SLC25A28: variants seen among roughly 807,000 people sequenced by gnomAD.
SLC25A28 encodes the protein mitoferrin-2.
SLC25A28 carries 10 observed loss-of-function variants against 31.9 expected under a neutral mutation model. The observed-to-expected ratio is 0.31, with a 90% confidence interval of 0.19 to 0.53. SLC25A28 has a LOEUF of 0.53. Among genes scored for constraint, SLC25A28 ranks in the 20% least tolerant of loss-of-function variants. SLC25A28 has a pLI of 0.95. For synonymous variants in SLC25A28, 208 were observed against 203.6 expected (o/e 1.02, Z -0.19); for missense variants, 256 against 490.3 (o/e 0.52, Z 4.51).
At chr10:99,655,263 C>G in the SLC25A28 span, among the ~76,000 whole-genome samples, 1 of 152,004 alleles carries the variant, frequency 6.6e-6, no homozygotes, top group East Asian at 1.9e-4. Context: ...TGGCAGTGAG[C>G]CAAGATAACA....
chr10:99,622,895 TG>T (rs536298979), upstream of SLC25A28, among the ~76,000 whole-genome samples: 94 of 152,106 alleles, frequency 6.2e-4, no homozygotes, highest in Non-Finnish European at 9.9e-4. Context: ...TACTTGAAGC[TG>T]GGGATACAGG....
intron 1 of SLC25A28, chr10:99,616,698 G>T (rs1459240219): frequency 1.0e-6 from 1 of 985,236 alleles, no homozygotes; most frequent in African/African-American, 1.7e-5. Context: ...GCCTTGCCTG[G>T]TTCTTGTAAT....
upstream of SLC25A28, among the ~76,000 whole-genome samples, chr10:99,624,265 C>G (rs1274568361): frequency 2.1e-5 from 2 of 96,470 alleles, no homozygotes; most frequent in Non-Finnish European, 4.6e-5. Context: ...TTCTCTCTCT[C>G]TCTTTCTTTT....
Position 99,613,719 on chromosome 10 carries a change from C to T in SLC25A28, c.497G>A (p.Gly166Glu), listed in dbSNP as rs1353286802. ...ACCATTGGCAATATGGCTATTGCCC[C>T]CAGGGTGGATTACATCACTCAATGT... is the stretch of plus-strand genomic sequence containing the variant. ...KKTLSDVIHP[G>E]GNSHIANGAA... The change falls in exon 2 of 4, where the codon GGG (glycine) becomes GAG (glutamate). Residue 166 changes from glycine to glutamate, a missense_variant. This residue lies in a region of SLC25A28 where 158 missense variants were observed against 379.1 expected (regional missense o/e 0.42). Coordinates refer to ENST00000370495, the MANE Select transcript of SLC25A28 (RefSeq NM_031212.4). This position sits in a 1 kb window ranked among gnomAD's most constrained non-coding sequence, Gnocchi z 4.9. 1 of 1,614,186 alleles carries T rather than the reference C, an allele frequency of 6.2e-7. No individual in the cohort carries two copies. The highest frequency in any genetic ancestry group is 1.3e-5 in the African/African-American group (1 of 75,046).
chr10:99,637,027 T>G, the SLC25A28 span, among the ~76,000 whole-genome samples: 1 of 152,300 alleles, frequency 6.6e-6, no homozygotes, highest in South Asian at 2.1e-4. Flanking sequence ...TGAACATAGA[T>G]GCTAAAATCA....
At chr10:99,620,950 G>T, upstream of SLC25A28, 5 of 957,540 alleles carry the variant, frequency 5.2e-6, no homozygotes, top group Non-Finnish European at 6.1e-6. Flanking sequence ...TACGACCCGC[G>T]CTCCCGTGCG....
At chr10:99,637,937 G>A in the SLC25A28 span, among the ~76,000 whole-genome samples, 1 of 152,120 alleles carries the variant, frequency 6.6e-6, no homozygotes. Context: ...CGCAGAATTA[G>A]AAAAAGCAAT....
Position 99,610,788 on chromosome 10 carries a change from C to A in SLC25A28, c.*61G>T. The A allele has an allele frequency of 6.4e-7, 1 of 1,559,442 alleles. No individual in the cohort carries two copies. The highest frequency in any genetic ancestry group is 8.7e-7 in the Non-Finnish European group (1 of 1,148,304). On this transcript the variant is annotated 3_prime_UTR_variant, in exon 4 of 4. Coordinates refer to ENST00000370495, the MANE Select transcript of SLC25A28 (RefSeq NM_031212.4). ...CTTGAGGTGGGAGCATTCCAGGAGA[C>A]AGAGAATGTGACCAGGATGCAGCAG...
At chr10:99,619,853 T>G (rs1297895655) in intron 1 of SLC25A28, among the ~76,000 whole-genome samples, 192 bp downstream of exon 1, 4 of 152,254 alleles carry the variant, frequency 2.6e-5, no homozygotes, top group Admixed American at 2.0e-4. Flanking sequence ...AAATAGGTCC[T>G]GGTTCCTGAC....
chr10:99,631,875 G>GTTTTTTT, the SLC25A28 span, among the ~76,000 whole-genome samples: 8 of 92,024 alleles, frequency 8.7e-5, no homozygotes, highest in African/African-American at 2.8e-4. Flanking sequence ...CGCTCAGTAT[G>GTTTTTTT]TTATTTTTTT....
intron 1 of SLC25A28, chr10:99,616,954 G>C (rs2034670347): frequency 1.0e-6 from 1 of 983,608 alleles, no homozygotes; most frequent in South Asian, 4.7e-5. Flanking sequence ...ATTACTAGAT[G>C]CAAGAAAATC....
chr10:99,620,235 T>G lies in SLC25A28; in HGVS notation c.101A>C (p.Gln34Pro), dbSNP rs2034755256. The change falls in exon 1 of 4, where the codon CAG (glutamine) becomes CCG (proline). Residue 34 changes from glutamine (Q) to proline (P), a missense_variant. Transcript: ENST00000370495. ...GCCGGCCCCCCGGCCCACGCCCCGC[T>G]GCAGCCACCCGTCCAGCAGCGCCGA... Reference protein sequence around the residue: ...GESALLDGWLQRGVGRGAGGG... With the variant: ...GESALLDGWLPRGVGRGAGGG... 1.6e-6 allele frequency: 2 copies of G among 1,231,314 alleles called. No individual in the cohort carries two copies. The highest frequency in any genetic ancestry group is 2.0e-6 in the Non-Finnish European group (2 of 981,278). The allele number at this position is 1,231,314 out of a possible 1,614,324, so 76.3% of individuals were successfully genotyped here.
the SLC25A28 span, among the ~76,000 whole-genome samples, chr10:99,655,567 T>C: frequency 6.6e-6 from 1 of 152,180 alleles, no homozygotes; most frequent in Non-Finnish European, 1.5e-5. Context: ...CCAGCCCCAT[T>C]ATGAAAAGTT....
At chr10:99,658,579 G>T in the SLC25A28 span, among the ~76,000 whole-genome samples, 4 of 152,174 alleles carry the variant, frequency 2.6e-5, no homozygotes, top group South Asian at 8.3e-4. Flanking sequence ...GGGTGGTAAG[G>T]GATGAGTAGG....
At chr10:99,634,114 G>C in the SLC25A28 span, among the ~76,000 whole-genome samples, 1 of 152,164 alleles carries the variant, frequency 6.6e-6, no homozygotes, top group Non-Finnish European at 1.5e-5. Flanking sequence ...ACTACATCAA[G>C]GGAATGCCCT....
At chr10:99,620,552 T>C, upstream of SLC25A28, 1 of 1,022,976 alleles carries the variant, frequency 9.8e-7, no homozygotes. Flanking sequence ...GCCGGTAGTA[T>C]TAGCGAAGTC....
the SLC25A28 span, among the ~76,000 whole-genome samples, chr10:99,639,199 T>C: frequency 7.3e-3 from 1,111 of 152,022 alleles, 18 homozygotes; most frequent in African/African-American, 0.024. Context: ...CTGGATGAGA[T>C]TGGAGACCAT....
chr10:99,622,290 A>G (rs1052850197), upstream of SLC25A28, among the ~76,000 whole-genome samples: 2 of 152,184 alleles, frequency 1.3e-5, no homozygotes, highest in African/African-American at 4.8e-5. Context: ...TGTTCATGCC[A>G]CTACACTCCA....
Position 99,613,477 on chromosome 10 carries a change from A to G in SLC25A28, c.520+219T>C. On this transcript the variant is annotated intron_variant, in intron 2 of 3. Transcript: ENST00000370495. The surrounding 1 kb of genome is among the most constrained non-coding windows in gnomAD (Gnocchi z 4.9). ...AACAAGTCAAGCTGGTAGGTAAGGG[A>G]GGATACTGTAACCCTTTGTTGAGGT... The G allele has an allele frequency of 7.0e-7, 1 of 1,419,460 alleles. No individual in the cohort carries two copies. The highest frequency in any genetic ancestry group is 9.2e-7 in the Non-Finnish European group (1 of 1,090,496). 87.9% of individuals were successfully genotyped at this position (1,419,460 alleles called of 1,614,324 possible).
Sources: gnomAD v4.1 joint callset for allele counts (sites outside exome capture counted in the v4.1 genomes callset) on GRCh38, gnomAD v4.1.1 for gene constraint, gnomAD v4.1.1 regional missense constraint, Gnocchi (gnomAD v3.1) non-coding constraint, MANE v1.5 for transcripts, NCBI Gene and HGNC (gene_info 2026-07-23, HGNC 2026-07-21) for gene names.